Variants in ERO1B observed in about 807,000 individuals in gnomAD.
The protein encoded by ERO1B is ERO1-like protein beta.
ERO1B carries 49 observed loss-of-function variants against 75.3 expected under a neutral mutation model. The ratio of observed to expected loss-of-function variants is 0.65; its 90% CI spans 0.52 to 0.83. The LOEUF is 0.83. Among genes scored for constraint, ERO1B ranks in the 40% least tolerant of loss-of-function variants. ERO1B has a pLI of 0.00. For synonymous variants in ERO1B, 191 were observed against 192.9 expected, an observed-to-expected ratio of 0.99 and a Z score of 0.08; for missense variants, 512 against 560.1, an observed-to-expected ratio of 0.91 and a Z score of 0.87.
chr1:236,238,793 C>T (rs978405511), intron 6 of ERO1B, among the ~76,000 whole-genome samples: 5 of 151,914 alleles, frequency 3.3e-5, no homozygotes, highest in South Asian at 2.1e-4. Flanking sequence ...CCTCTACAAA[C>T]GTGCAAATTG....
intron 2 of ERO1B, among the ~76,000 whole-genome samples, chr1:236,261,091 A>G (rs1245102442): frequency 6.6e-6 from 1 of 152,192 alleles, no homozygotes; most frequent in African/African-American, 2.4e-5. Flanking sequence ...CAGAAAAAAC[A>G]TATGACAAAA....
At chr1:236,255,163 T>C (rs1457893572) in intron 2 of ERO1B, among the ~76,000 whole-genome samples, 2 of 151,898 alleles carry the variant, frequency 1.3e-5, no homozygotes, top group African/African-American at 4.8e-5. Flanking sequence ...CTGGAATTCC[T>C]GGGCTCAAGC....
At chr1:236,262,820 G>A (rs1749582) in intron 2 of ERO1B, among the ~76,000 whole-genome samples, 37,855 of 151,980 alleles carry the variant, frequency 0.25, 4,897 homozygotes, top group East Asian at 0.38. Context: ...TCACCCTTCA[G>A]GAATAAAGGG....
intron 2 of ERO1B, among the ~76,000 whole-genome samples, chr1:236,268,682 C>T (rs552892169): frequency 4.0e-5 from 6 of 150,728 alleles, no homozygotes; most frequent in African/African-American, 7.3e-5. Flanking sequence ...GTCAGGAGAT[C>T]AAGACCATCC....
At chr1:236,263,635 T>G (rs995154285) in intron 2 of ERO1B, among the ~76,000 whole-genome samples, 2 of 152,164 alleles carry the variant, frequency 1.3e-5, no homozygotes, top group Non-Finnish European at 2.9e-5. Context: ...AGGATATCTT[T>G]CCATTTGTTC....
At chr1:236,229,381 C>A (rs944802254) in intron 10 of ERO1B, among the ~76,000 whole-genome samples, 1 of 150,660 alleles carries the variant, frequency 6.6e-6, no homozygotes, top group East Asian at 2.0e-4. Flanking sequence ...GCCGAGATGG[C>A]GCCACTGCAC....
intron 1 of ERO1B, among the ~76,000 whole-genome samples, chr1:236,274,659 T>A (rs1665670529): frequency 6.6e-6 from 1 of 152,174 alleles, no homozygotes; most frequent in African/African-American, 2.4e-5. Context: ...CTATCTTCCA[T>A]TCACTTATTC....
Position 236,242,086 on chromosome 1 carries a change from G to A in ERO1B, c.505+1336C>T, listed in dbSNP as rs926615593. 4.0e-5 allele frequency among the ~76,000 whole-genome samples: 6 copies of A among 149,052 alleles called. No homozygotes were observed. The Middle Eastern group carries it at 0.01, about 259-fold the overall frequency. ...CTGTCTCAAAAAAAAAAAAAAAATC[G>A]TTAACACTGTTTATACTGATGGCAG... On this transcript the variant is annotated intron_variant, in intron 6 of 15. Coordinates refer to ENST00000354619, the MANE Select transcript of ERO1B (RefSeq NM_019891.4).
intron 1 of ERO1B, among the ~76,000 whole-genome samples, chr1:236,273,027 C>A (rs1665632032): frequency 6.6e-6 from 1 of 152,054 alleles, no homozygotes; most frequent in Non-Finnish European, 1.5e-5. Flanking sequence ...GTCCCTAATT[C>A]CTGAAATAAG....
rs757900552 is a variant in ERO1B at position 236,226,243 on chromosome 1, T to C, written c.1052+26A>G. 25 of 1,608,144 alleles carry C rather than the reference T, an allele frequency of 1.6e-5. No individual in the cohort carries two copies. In the African/African-American group the frequency reaches 2.8e-4, roughly 18 times the overall value. ...TCATTTGAATACAGAGAGGAGAATT[T>C]CAAATCACGGATAGTCAATTCTTAC... On this transcript the variant is annotated intron_variant, in intron 12 of 15. Transcript: ENST00000354619.
At chr1:236,268,252 C>A (rs1233882504) in intron 2 of ERO1B, among the ~76,000 whole-genome samples, 1 of 152,058 alleles carries the variant, frequency 6.6e-6, no homozygotes. Flanking sequence ...CCAGCCTAGC[C>A]AACATGGTGA....
chr1:236,260,436 G>A (rs1446446809), intron 2 of ERO1B, among the ~76,000 whole-genome samples: 1 of 152,182 alleles, frequency 6.6e-6, no homozygotes, highest in African/African-American at 2.4e-5. Context: ...AAGGCAGGTG[G>A]ATCACCTGAG....
In ERO1B at chr1:236,242,067, C is replaced by CAA. The variant is rs11339161; in HGVS notation, c.505+1353_505+1354dup. On this transcript the variant is annotated intron_variant, in intron 6 of 15. Transcript: ENST00000354619. ...TGGGCGACACAGCGAGACTCTGTCT[C>CAA]AAAAAAAAAAAAAAAATCGTTAACA... Among the ~76,000 whole-genome samples the CAA allele has an allele frequency of 6.7e-3, 889 of 132,924 alleles. 7 individuals carry two copies. Among genetic ancestry groups the CAA allele is most frequent in the East Asian group, 0.029 (138 of 4,744 alleles). 87.2% of individuals were successfully genotyped at this position (132,924 alleles called of 152,430 possible).
chr1:236,239,819 ATATG>A (rs1489922745), intron 6 of ERO1B, among the ~76,000 whole-genome samples: 2 of 130,662 alleles, frequency 1.5e-5, no homozygotes, highest in East Asian at 3.0e-4. Flanking sequence ...GTGTATATAT[ATATG>A]TGTATATATA....
At chr1:236,279,255 C>T (rs1665770028) in intron 1 of ERO1B, among the ~76,000 whole-genome samples, 1 of 152,126 alleles carries the variant, frequency 6.6e-6, no homozygotes, top group Admixed American at 6.5e-5. Flanking sequence ...GTAATCCCAG[C>T]ACTTTGGGAG....
chr1:236,249,470 T>G (rs938560421), intron 5 of ERO1B, among the ~76,000 whole-genome samples: 2 of 152,068 alleles, frequency 1.3e-5, no homozygotes, highest in Admixed American at 6.6e-5. Context: ...GTAGAACAAA[T>G]AAGGAAAAGT....
chr1:236,249,375 T>A (rs143060304), intron 5 of ERO1B, among the ~76,000 whole-genome samples: 1 of 152,184 alleles, frequency 6.6e-6, no homozygotes, highest in Non-Finnish European at 1.5e-5. Flanking sequence ...TTCTGAAATA[T>A]CTCATTCCCA....
intron 1 of ERO1B, 94 bp from the exon 2 acceptor site, chr1:236,270,088 G>T: frequency 1.1e-6 from 1 of 909,136 alleles, no homozygotes; most frequent in Non-Finnish European, 1.6e-6. Context: ...ATTCATTCAA[G>T]TTAGCCGGTA....
chr1:236,252,134 T>A, intron 3 of ERO1B, 43 bp from the exon 4 acceptor site: 1 of 1,341,322 alleles, frequency 7.5e-7, no homozygotes, highest in Non-Finnish European at 1.1e-6. Flanking sequence ...AAGTGATCTT[T>A]ATTTTTTTTG....
Sources: allele counts gnomAD v4.1 joint callset (sites outside exome capture counted in the v4.1 genomes callset), GRCh38; gene constraint gnomAD v4.1.1; transcripts MANE v1.5; gene names NCBI Gene and HGNC (gene_info 2026-07-23, HGNC 2026-07-21).